LOC128462377: variants seen among roughly 807,000 people sequenced by gnomAD.
At chr16:89,373,714 A>C in the LOC128462377 span, among the ~76,000 whole-genome samples, 3 of 152,224 alleles carry the variant, frequency 2.0e-5, no homozygotes, top group Non-Finnish European at 4.4e-5. Context: ...CGCTGCAGAC[A>C]CAACCCCACG....
At chr16:89,395,097 C>G in the LOC128462377 span, among the ~76,000 whole-genome samples, 1 of 152,218 alleles carries the variant, frequency 6.6e-6, no homozygotes, top group Admixed American at 6.5e-5. Context: ...AGTGACCAGG[C>G]TGAAGCACAG....
chr16:89,415,846 A>AAAAAAAAAAAAAAAAAAAAAAAAAAC, the LOC128462377 span, among the ~76,000 whole-genome samples: 2 of 146,378 alleles, frequency 1.4e-5, no homozygotes, highest in Non-Finnish European at 3.0e-5. Flanking sequence ...AAAAAAAAAA[A>AAAAAAAAAAAAAAAAAAAAAAAAAAC]AAAACAATGG....
At chr16:89,326,602 C>T in the LOC128462377 span, among the ~76,000 whole-genome samples, 21 of 152,112 alleles carry the variant, frequency 1.4e-4, no homozygotes, top group Admixed American at 9.2e-4. Context: ...ATTAATCAGT[C>T]GAGGTGGCAC....
chr16:89,340,838 G>A, the LOC128462377 span, among the ~76,000 whole-genome samples: 115 of 152,304 alleles, frequency 7.6e-4, no homozygotes, highest in African/African-American at 2.7e-3. Context: ...GACAGTCCTG[G>A]GGAGAGGATG....
chr16:89,381,940 C>T, the LOC128462377 span, among the ~76,000 whole-genome samples: 2 of 152,188 alleles, frequency 1.3e-5, no homozygotes, highest in Admixed American at 6.5e-5. Flanking sequence ...CTCCACGGGG[C>T]TCAGACTGTA....
At chr16:89,329,030 G>A in the LOC128462377 span, 5,749 of 143,206 alleles carry the variant, frequency 0.04, 156 homozygotes, top group Non-Finnish European at 0.062. Flanking sequence ...GGCCCCTGGT[G>A]AGTGAGTGGA....
At chr16:89,354,826 G>C in the LOC128462377 span, among the ~76,000 whole-genome samples, 2 of 152,116 alleles carry the variant, frequency 1.3e-5, no homozygotes, top group Non-Finnish European at 2.9e-5. Flanking sequence ...GGCGGAGGTT[G>C]CAGTGAGCCG....
the LOC128462377 span, among the ~76,000 whole-genome samples, chr16:89,374,123 T>C: frequency 1.3e-5 from 2 of 152,230 alleles, no homozygotes; most frequent in African/African-American, 4.8e-5. Context: ...CTGGTGATTT[T>C]CTTCACCCTC....
chr16:89,372,380 C>A, the LOC128462377 span, among the ~76,000 whole-genome samples: 1 of 152,118 alleles, frequency 6.6e-6, no homozygotes, highest in Non-Finnish European at 1.5e-5. Context: ...GTCACGGAGC[C>A]CCATGCTGCC....
At chr16:89,382,391 T>G in the LOC128462377 span, among the ~76,000 whole-genome samples, 1 of 152,042 alleles carries the variant, frequency 6.6e-6, no homozygotes, top group Non-Finnish European at 1.5e-5. Flanking sequence ...AATGGTGCAA[T>G]CTCGGCTCAC....
the LOC128462377 span, among the ~76,000 whole-genome samples, chr16:89,320,905 CCTT>C: frequency 2.0e-5 from 3 of 152,244 alleles, no homozygotes; most frequent in Non-Finnish European, 4.4e-5. Context: ...AAAAGACAAT[CCTT>C]CTACGGGGCT....
chr16:89,373,954 G>C, the LOC128462377 span, among the ~76,000 whole-genome samples: 1 of 152,222 alleles, frequency 6.6e-6, no homozygotes, highest in Admixed American at 6.5e-5. Context: ...AAGCGGGCTG[G>C]GGCCCTGGCC....
chr16:89,410,252 A>C, the LOC128462377 span, among the ~76,000 whole-genome samples: 1 of 152,202 alleles, frequency 6.6e-6, no homozygotes, highest in Non-Finnish European at 1.5e-5. Context: ...TGTCACCTAA[A>C]GCCTCATAAC....
At chr16:89,330,958 C>T in the LOC128462377 span, among the ~76,000 whole-genome samples, 1 of 152,148 alleles carries the variant, frequency 6.6e-6, no homozygotes, top group Admixed American at 6.5e-5. Flanking sequence ...AAGCAAAACA[C>T]CTTCCTTTTT....
At chr16:89,398,638 G>C in the LOC128462377 span, among the ~76,000 whole-genome samples, 1 of 152,074 alleles carries the variant, frequency 6.6e-6, no homozygotes, top group Non-Finnish European at 1.5e-5. Context: ...GATACTCAGG[G>C]GGCTGAGGCA....
chr16:89,331,233 C>T, the LOC128462377 span, among the ~76,000 whole-genome samples: 2 of 152,198 alleles, frequency 1.3e-5, no homozygotes, highest in African/African-American at 4.8e-5. Flanking sequence ...GGATTACAGG[C>T]ATGAGCCACT....
the LOC128462377 span, among the ~76,000 whole-genome samples, chr16:89,375,206 G>C: frequency 6.6e-6 from 1 of 152,034 alleles, no homozygotes; most frequent in African/African-American, 2.4e-5. Flanking sequence ...CAAGTGTGTC[G>C]GTATCCGCTT....
the LOC128462377 span, among the ~76,000 whole-genome samples, chr16:89,349,363 C>A: frequency 2.0e-4 from 30 of 151,770 alleles, no homozygotes; most frequent in African/African-American, 7.3e-4. Flanking sequence ...GCCTGTAGTC[C>A]CAGCTACTTG....
the LOC128462377 span, chr16:89,403,701 A>G: frequency 6.6e-6 from 1 of 152,232 alleles, no homozygotes. Flanking sequence ...AGGCTGAGGC[A>G]GGAAGATGAC....
Sources: allele counts gnomAD v4.1 joint callset (sites outside exome capture counted in the v4.1 genomes callset), GRCh38; gene constraint gnomAD v4.1.1; transcripts MANE v1.5.